POU6F2: variants seen among roughly 807,000 people sequenced by gnomAD.
POU6F2 encodes POU domain, class 6, transcription factor 2.
A neutral mutation model predicts 71.3 loss-of-function variants in POU6F2; 31 were observed. The observed-to-expected ratio is 0.43, with a 90% confidence interval of 0.33 to 0.59. The LOEUF (loss-of-function observed/expected upper bound fraction) is 0.59, where lower values mean the gene tolerates loss of function less well. POU6F2 is among the 20% of genes least tolerant of loss of function. POU6F2 has a pLI of 0.04. For missense variants in POU6F2, 783 were observed against 856.8 expected (o/e 0.91, Z 1.07); for synonymous variants, 347 against 355.7 (o/e 0.98, Z 0.27).
At chr7:39,246,776 T>A in intron 4 of POU6F2, among the ~76,000 whole-genome samples, 1 of 151,868 alleles carries the variant, frequency 6.6e-6, no homozygotes, top group Non-Finnish European at 1.5e-5. Context: ...CCAGGACATT[T>A]TTTTTTTTCA....
intron 2 of POU6F2, among the ~76,000 whole-genome samples, chr7:39,125,658 A>T (rs558601243): frequency 6.6e-6 from 1 of 152,156 alleles, no homozygotes. Flanking sequence ...AAGCATAAAG[A>T]AAGCCCATTT....
chr7:39,004,571 G>A (rs910896153), intron 1 of POU6F2, among the ~76,000 whole-genome samples: 1 of 152,208 alleles, frequency 6.6e-6, no homozygotes, highest in African/African-American at 2.4e-5. Context: ...AGTAGTGCCT[G>A]TGCAGAGGAG....
At chr7:39,459,631 A>G (rs1225335017) in intron 8 of POU6F2, among the ~76,000 whole-genome samples, 1 of 152,216 alleles carries the variant, frequency 6.6e-6, no homozygotes, top group East Asian at 1.9e-4. Flanking sequence ...CTTTTCACCT[A>G]AGTCCGAGGA....
intron 1 of POU6F2, among the ~76,000 whole-genome samples, chr7:39,085,295 A>G (rs946547105): frequency 6.6e-6 from 1 of 152,104 alleles, no homozygotes; most frequent in African/African-American, 2.4e-5. Context: ...TACATAAGAA[A>G]TATCTTTTAT....
intron 4 of POU6F2, among the ~76,000 whole-genome samples, chr7:39,284,992 A>G (rs1784626893): frequency 6.6e-6 from 1 of 152,226 alleles, no homozygotes. Context: ...TGGGTCAGCC[A>G]TGGGGATCTC....
chr7:39,065,084 C>A (rs910151374), intron 1 of POU6F2, among the ~76,000 whole-genome samples: 1 of 151,706 alleles, frequency 6.6e-6, no homozygotes, highest in Non-Finnish European at 1.5e-5. Context: ...ATATTAGGCT[C>A]CCTTATAAAC....
At chr7:39,212,015 C>T (rs11764064) in intron 4 of POU6F2, among the ~76,000 whole-genome samples, 1,901 of 150,924 alleles carry the variant, frequency 0.013, 21 homozygotes, top group Non-Finnish European at 0.02. Context: ...ATCCTTATCT[C>T]CATGTCTGTC....
intron 1 of POU6F2, among the ~76,000 whole-genome samples, chr7:38,992,116 G>A (rs965444052): frequency 5.3e-5 from 8 of 152,072 alleles, no homozygotes. Flanking sequence ...GCCTGTAGCG[G>A]GAGCTCAGTG....
intron 1 of POU6F2, among the ~76,000 whole-genome samples, chr7:39,001,861 ATGC>A (rs1788924228): frequency 6.6e-6 from 1 of 151,802 alleles, no homozygotes; most frequent in South Asian, 2.1e-4. Context: ...TGATGTGATG[ATGC>A]TGCTGATGGT....
In POU6F2 at chr7:39,408,192, CACTCCTGCCAGGGAG is replaced by C. The variant is rs796565712; in HGVS notation, c.1113+1453_1113+1467del. Among the ~76,000 whole-genome samples, 27 of 152,324 alleles carry C rather than the reference CACTCCTGCCAGGGAG, an allele frequency of 1.8e-4. 1 individual carries two copies. The highest frequency in any genetic ancestry group is 5.5e-4 in the African/African-American group (23 of 41,578). On this transcript the variant is annotated intron_variant, in intron 6 of 9. Transcript: ENST00000518318. The stretch of plus-strand genomic sequence containing the variant: ...TGCCCAGAAATAGGACACCCTGCCT[CACTCCTGCCAGGGAG>C]CTGGCCCTTGAGATGTAAATTTTAG...
At chr7:39,418,705 AAAAG>A (rs1277081025) in intron 6 of POU6F2, among the ~76,000 whole-genome samples, 1 of 151,160 alleles carries the variant, frequency 6.6e-6, no homozygotes, top group Non-Finnish European at 1.5e-5. Context: ...AAAAAAAAGA[AAAAG>A]AAAGAAAAGT....
intron 1 of POU6F2, among the ~76,000 whole-genome samples, chr7:39,046,902 CT>C (rs1437423695): frequency 4.6e-5 from 7 of 151,820 alleles, no homozygotes; most frequent in Non-Finnish European, 8.8e-5. Flanking sequence ...GATCTAAGTT[CT>C]TTTTTTCTTT....
intron 2 of POU6F2, among the ~76,000 whole-genome samples, chr7:39,145,385 C>G (rs1005027025): frequency 6.6e-6 from 1 of 152,156 alleles, no homozygotes; most frequent in Non-Finnish European, 1.5e-5. Context: ...ACAGTTTCGA[C>G]CAGTGTATGC....
intron 2 of POU6F2, among the ~76,000 whole-genome samples, chr7:39,199,363 A>G (rs1437939713): frequency 6.6e-6 from 1 of 152,232 alleles, no homozygotes; most frequent in African/African-American, 2.4e-5. Context: ...CTTACTTGGA[A>G]GAGTCAACTC....
intron 2 of POU6F2, among the ~76,000 whole-genome samples, chr7:39,124,401 G>A (rs1242326860): frequency 1.3e-5 from 2 of 152,074 alleles, no homozygotes; most frequent in South Asian, 2.1e-4. Context: ...ATGAAAAGTT[G>A]TATTTGGTGA....
chr7:39,368,186 T>G (rs1403441780), intron 5 of POU6F2, among the ~76,000 whole-genome samples: 1 of 152,212 alleles, frequency 6.6e-6, no homozygotes, highest in East Asian at 1.9e-4. Flanking sequence ...GGCAGAAAAC[T>G]AGGCCTCTTG....
At chr7:39,372,204 A>G (rs945554331) in intron 5 of POU6F2, among the ~76,000 whole-genome samples, 13 of 152,236 alleles carry the variant, frequency 8.5e-5, no homozygotes, top group African/African-American at 3.1e-4. Flanking sequence ...TACAGGCTTG[A>G]GCCACTGCAC....
intron 1 of POU6F2, among the ~76,000 whole-genome samples, chr7:39,011,066 T>A (rs933744486): frequency 4.9e-5 from 6 of 122,762 alleles, no homozygotes; most frequent in Non-Finnish European, 8.8e-5. Context: ...TGAGTTCAAT[T>A]CCTGGGTATC....
At chr7:39,136,877 C>T (rs1792399039) in intron 2 of POU6F2, among the ~76,000 whole-genome samples, 2 of 150,860 alleles carry the variant, frequency 1.3e-5, no homozygotes, top group South Asian at 4.2e-4. Context: ...GTCCTAGCTA[C>T]TCAGGAGGCT....
Sources: gnomAD v4.1 joint callset for allele counts (sites outside exome capture counted in the v4.1 genomes callset) on GRCh38, gnomAD v4.1.1 for gene constraint, MANE v1.5 for transcripts, NCBI Gene and HGNC (gene_info 2026-07-23, HGNC 2026-07-21) for gene names.